SAMD5: variants seen among roughly 807,000 people sequenced by gnomAD.
SAMD5 encodes the protein sterile alpha motif domain containing 5.
In SAMD5, 13 loss-of-function variants were observed where a neutral mutation model predicts 11.3. That is an observed-to-expected ratio of 1.15 (90% CI 0.75 to 1.83). The LOEUF (loss-of-function observed/expected upper bound fraction) is 1.83. Among genes scored for constraint, SAMD5 ranks in the 40% most tolerant of loss-of-function variants. The pLI is 0.00. For missense variants in SAMD5, 255 were observed against 239.1 expected, an observed-to-expected ratio of 1.07 and a Z score of -0.44; for synonymous variants, 129 against 111.3, an observed-to-expected ratio of 1.16 and a Z score of -1.00.
the SAMD5 span, among the ~76,000 whole-genome samples, chr6:147,949,592 T>C: frequency 6.6e-6 from 1 of 152,214 alleles, no homozygotes; most frequent in Non-Finnish European, 1.5e-5. Flanking sequence ...TAAAATCAGA[T>C]GCACTAGAGT....
intron 1 of SAMD5, among the ~76,000 whole-genome samples, chr6:147,587,622 G>A (rs1789393977): frequency 6.6e-6 from 1 of 152,118 alleles, no homozygotes; most frequent in Non-Finnish European, 1.5e-5. Context: ...AATTTCAGTT[G>A]AGAGATCATC....
At chr6:147,704,538 T>C (rs1791298826) in intron 1 of SAMD5, among the ~76,000 whole-genome samples, 1 of 152,074 alleles carries the variant, frequency 6.6e-6, no homozygotes, top group African/African-American at 2.4e-5. Context: ...TTACAAATTA[T>C]ATTTCTGATG....
At chr6:147,918,791 G>T in the SAMD5 span, among the ~76,000 whole-genome samples, 1 of 148,096 alleles carries the variant, frequency 6.8e-6, no homozygotes, top group Non-Finnish European at 1.5e-5. Flanking sequence ...TCTGCCTCCT[G>T]GGTTCAAGCA....
Position 147,564,375 on chromosome 6 carries a change from G to A in SAMD5, c.460-19G>A. The A allele has an allele frequency of 1.3e-6, 1 of 780,514 alleles. No individual in the cohort carries two copies. The highest frequency in any genetic ancestry group is 2.4e-6 in the Non-Finnish European group (1 of 417,886). 48.3% of individuals were successfully genotyped at this position (780,514 alleles called of 1,614,324 possible). A position where few individuals can be genotyped will look rare whatever the true frequency, so the allele number is the denominator to read the frequency against. Reference sequence around the variant, plus strand: ...GGTAAAGGAGAACTTCAATAACCCAGATATGTTCAAATCCACAGGTCCCAA... The same window carrying A: ...GGTAAAGGAGAACTTCAATAACCCAAATATGTTCAAATCCACAGGTCCCAA... On this transcript the variant is annotated intron_variant, in intron 1 of 1. Transcript: ENST00000367474.
the SAMD5 span, among the ~76,000 whole-genome samples, chr6:147,746,191 G>A: frequency 5.9e-5 from 9 of 152,142 alleles, no homozygotes; most frequent in East Asian, 1.9e-4. Flanking sequence ...CTGGATCCTC[G>A]GTGCTGGGCA....
At chr6:147,848,069 A>C in the SAMD5 span, among the ~76,000 whole-genome samples, 1 of 152,158 alleles carries the variant, frequency 6.6e-6, no homozygotes, top group African/African-American at 2.4e-5. Context: ...TTGATGTCCA[A>C]AATATTGTTT....
intron 1 of SAMD5, among the ~76,000 whole-genome samples, chr6:147,680,050 TCTC>T (rs77606172): frequency 0.12 from 18,728 of 151,970 alleles, 1,364 homozygotes; most frequent in South Asian, 0.22. Context: ...CCAATATTGT[TCTC>T]CTTTAAAAGT....
chr6:147,521,316 C>T (rs1183503974), intron 1 of SAMD5, among the ~76,000 whole-genome samples: 1 of 151,908 alleles, frequency 6.6e-6, no homozygotes, highest in Non-Finnish European at 1.5e-5. Context: ...CTTCTTGTTG[C>T]TTTGGAAGAG....
Position 147,565,731 on chromosome 6 carries a change from A to T in SAMD5, c.*1275A>T, listed in dbSNP as rs567693030. 1 of 981,560 alleles carries T rather than the reference A, an allele frequency of 1.0e-6. No individual in the cohort carries two copies. The highest frequency in any genetic ancestry group is 4.7e-5 in the South Asian group (1 of 21,214). 60.8% of individuals were successfully genotyped at this position (981,560 alleles called of 1,614,324 possible). A position where few individuals can be genotyped will look rare whatever the true frequency, so the allele number is the denominator to read the frequency against. On this transcript the variant is annotated 3_prime_UTR_variant, in exon 2 of 2. Transcript: ENST00000367474. ...CGCCGTGGCCTCCAGTAGCGCTGGGATTACAGGCGTGAGCCATCACACCCG... is the reference window on the plus strand; with the variant it reads ...CGCCGTGGCCTCCAGTAGCGCTGGGTTTACAGGCGTGAGCCATCACACCCG...
At chr6:147,602,445 A>T (rs1417332292) in intron 1 of SAMD5, among the ~76,000 whole-genome samples, 1 of 152,192 alleles carries the variant, frequency 6.6e-6, no homozygotes, top group Non-Finnish European at 1.5e-5. Flanking sequence ...CATTGTCACA[A>T]AAATTCTCAC....
At chr6:147,585,963 C>T (rs1271356482) in intron 1 of SAMD5, among the ~76,000 whole-genome samples, 2 of 152,066 alleles carry the variant, frequency 1.3e-5, no homozygotes, top group African/African-American at 4.8e-5. Context: ...TTCTTCATGT[C>T]GCAGTTCAGA....
chr6:147,855,030 G>A, the SAMD5 span, among the ~76,000 whole-genome samples: 1 of 152,154 alleles, frequency 6.6e-6, no homozygotes, highest in Admixed American at 6.5e-5. Context: ...AATATAAAAA[G>A]TTTTGGAGGC....
chr6:147,614,652 T>C (rs1201024750), intron 1 of SAMD5, among the ~76,000 whole-genome samples: 2 of 151,690 alleles, frequency 1.3e-5, no homozygotes, highest in African/African-American at 4.9e-5. Flanking sequence ...AGCTGGAAAG[T>C]GGTTACCGGA....
intron 1 of SAMD5, among the ~76,000 whole-genome samples, chr6:147,732,177 G>T (rs1256555365): frequency 6.6e-6 from 1 of 152,168 alleles, no homozygotes; most frequent in Non-Finnish European, 1.5e-5. Flanking sequence ...CCCTCATTTT[G>T]CTTTGTAATT....
At chr6:147,735,794 G>A (rs886708210) in intron 1 of SAMD5, among the ~76,000 whole-genome samples, 4 of 152,100 alleles carry the variant, frequency 2.6e-5, no homozygotes, top group Non-Finnish European at 5.9e-5. Flanking sequence ...GATAGTTGAC[G>A]TGTTTTTCAA....
chr6:147,671,226 A>C (rs1405187487), intron 1 of SAMD5, among the ~76,000 whole-genome samples: 2 of 152,202 alleles, frequency 1.3e-5, no homozygotes, highest in Non-Finnish European at 2.9e-5. Context: ...GGTAACATCA[A>C]AGGTCTCTGA....
the SAMD5 span, among the ~76,000 whole-genome samples, chr6:147,928,967 T>C: frequency 2.0e-3 from 283 of 143,668 alleles, no homozygotes; most frequent in Non-Finnish European, 3.0e-3. Context: ...TATAATTATG[T>C]GGTTTTGAGT....
At position 147,618,260 on chromosome 6, in the gene SAMD5, C is replaced by T. The variant is rs867014718; in HGVS notation, c.162+108873C>T. ...ACAGCGCCATGCTCATCGGCATTAACGTGTAGGTTTGGAGGAAGGATAAGA... is the reference window on the plus strand; with the variant it reads ...ACAGCGCCATGCTCATCGGCATTAATGTGTAGGTTTGGAGGAAGGATAAGA... On this transcript the variant is annotated intron_variant, in intron 1 of 1. Coordinates refer to the SAMD5 transcript ENST00000566741. Among the ~76,000 whole-genome samples, 11 of 152,214 alleles carry T rather than the reference C, an allele frequency of 7.2e-5. No homozygotes were observed. The South Asian group carries it at 1.2e-3, about 17-fold the overall frequency.
At chr6:147,906,160 G>A in the SAMD5 span, among the ~76,000 whole-genome samples, 1 of 152,196 alleles carries the variant, frequency 6.6e-6, no homozygotes, top group Non-Finnish European at 1.5e-5. Flanking sequence ...AATTTCTGAA[G>A]ATTTTTCACC....
Sources: allele counts gnomAD v4.1 joint callset (sites outside exome capture counted in the v4.1 genomes callset), GRCh38; gene constraint gnomAD v4.1.1; transcripts MANE v1.5; gene names NCBI Gene and HGNC (gene_info 2026-07-23, HGNC 2026-07-21).